Variants in METTL25 observed in about 807,000 individuals in gnomAD.
The protein encoded by METTL25 is methyltransferase like 25, also known as probable methyltransferase-like protein 25.
METTL25 carries 64 observed loss-of-function variants against 71.6 expected under a neutral mutation model. That is an observed-to-expected ratio of 0.89 (90% confidence interval 0.73 to 1.10). The LOEUF is 1.10. Ranked by LOEUF, METTL25 falls within the 50% of genes least tolerant of loss-of-function variation. The probability of loss-of-function intolerance (pLI) is 0.00; values close to 1 mark genes in which losing one functional copy is unlikely to be tolerated. For synonymous variants in METTL25, 287 were observed against 250.3 expected, an observed-to-expected ratio of 1.15 and a Z score of -1.38; for missense variants, 807 against 707.0, an observed-to-expected ratio of 1.14 and a Z score of -1.60.
At chr12:82,365,994 A>C (rs1882524855) in intron 1 of METTL25, among the ~76,000 whole-genome samples, 1 of 152,146 alleles carries the variant, frequency 6.6e-6, no homozygotes, top group Non-Finnish European at 1.5e-5. Context: ...AGGCAGGAGA[A>C]TGGTGTGAAC....
At chr12:82,419,218 A>G (rs1030629611) in intron 5 of METTL25, among the ~76,000 whole-genome samples, 1 of 152,122 alleles carries the variant, frequency 6.6e-6, no homozygotes, top group Admixed American at 6.6e-5. Context: ...AAATGCCACA[A>G]AGAACACTTA....
intron 5 of METTL25, among the ~76,000 whole-genome samples, chr12:82,410,674 A>T (rs1887489829): frequency 6.6e-6 from 1 of 152,096 alleles, no homozygotes; most frequent in Non-Finnish European, 1.5e-5. Context: ...AAAACTTTTA[A>T]AGAAGAGAAT....
At chr12:82,359,952 T>A (rs1357570560) in intron 1 of METTL25, among the ~76,000 whole-genome samples, 8 of 152,252 alleles carry the variant, frequency 5.3e-5, no homozygotes, top group African/African-American at 1.9e-4. Context: ...TAGGCACTTC[T>A]TCAGTTTGCT....
At chr12:82,363,640 A>G (rs1686233769) in intron 1 of METTL25, among the ~76,000 whole-genome samples, 7 of 152,024 alleles carry the variant, frequency 4.6e-5, no homozygotes, top group Admixed American at 3.3e-4. Context: ...TAATAGAACA[A>G]CAACCACCAC....
intron 3 of METTL25, among the ~76,000 whole-genome samples, chr12:82,396,105 C>G (rs976680334): frequency 1.3e-5 from 2 of 151,994 alleles, no homozygotes; most frequent in African/African-American, 4.8e-5. Flanking sequence ...GTATTCAGTA[C>G]AGTAATATGC....
At chr12:82,431,801 G>C (rs1401022634) in intron 6 of METTL25, among the ~76,000 whole-genome samples, 1 of 151,550 alleles carries the variant, frequency 6.6e-6, no homozygotes, top group African/African-American at 2.4e-5. Context: ...AAATATCATA[G>C]CTTAACTCAG....
intron 9 of METTL25, among the ~76,000 whole-genome samples, chr12:82,473,300 G>C (rs1892673324): frequency 6.6e-6 from 1 of 152,126 alleles, no homozygotes; most frequent in Admixed American, 6.5e-5. Context: ...AGCCAGCCTG[G>C]GGTGTGGCTG....
At chr12:82,446,864 G>A (rs1443736094) in intron 8 of METTL25, among the ~76,000 whole-genome samples, 1 of 152,022 alleles carries the variant, frequency 6.6e-6, no homozygotes, top group Non-Finnish European at 1.5e-5. Context: ...TGATCTGCCT[G>A]CCTCGGTCTC....
At chr12:82,367,789 G>C (rs1309103137) in intron 1 of METTL25, among the ~76,000 whole-genome samples, 1 of 152,032 alleles carries the variant, frequency 6.6e-6, no homozygotes, top group Non-Finnish European at 1.5e-5. Flanking sequence ...GCCTTATCTT[G>C]TATCTGCTCT....
intron 9 of METTL25, among the ~76,000 whole-genome samples, chr12:82,462,728 A>G (rs1891967050): frequency 6.6e-6 from 1 of 152,144 alleles, no homozygotes; most frequent in Non-Finnish European, 1.5e-5. Flanking sequence ...ACATGAATAC[A>G]GTCGTTCCTT....
At chr12:82,378,739 C>G (rs1015460150) in intron 1 of METTL25, among the ~76,000 whole-genome samples, 2 of 152,150 alleles carry the variant, frequency 1.3e-5, no homozygotes, top group East Asian at 3.8e-4. Context: ...CAATAATAAA[C>G]AAACTGGCCA....
intron 9 of METTL25, among the ~76,000 whole-genome samples, chr12:82,469,517 A>T (rs901735020): frequency 2.0e-5 from 3 of 152,132 alleles, no homozygotes; most frequent in Middle Eastern, 3.4e-3. Context: ...TACTATCATG[A>T]AAATAGCATG....
chr12:82,415,133 A>G (rs1198597904), intron 5 of METTL25, among the ~76,000 whole-genome samples: 2 of 152,134 alleles, frequency 1.3e-5, no homozygotes, highest in Non-Finnish European at 2.9e-5. Flanking sequence ...GGGTTTTGCC[A>G]TTGTATAGTC....
chr12:82,441,644 G>T (rs1301573387), intron 8 of METTL25, among the ~76,000 whole-genome samples: 1 of 151,174 alleles, frequency 6.6e-6, no homozygotes, highest in African/African-American at 2.4e-5. Flanking sequence ...TTGTTTCATA[G>T]AGCCCAGGAT....
intron 1 of METTL25, among the ~76,000 whole-genome samples, chr12:82,380,543 C>A (rs1175909174): frequency 1.3e-5 from 2 of 152,070 alleles, no homozygotes; most frequent in Admixed American, 6.6e-5. Context: ...TAAAACAACC[C>A]TATGAAATAG....
chr12:82,446,989 AAGAGC>A (rs539845901), intron 8 of METTL25, among the ~76,000 whole-genome samples: 48 of 152,312 alleles, frequency 3.2e-4, no homozygotes, highest in Non-Finnish European at 6.5e-4. Flanking sequence ...AAGAAACATT[AAGAGC>A]AAAGTATATA....
intron 11 of METTL25, among the ~76,000 whole-genome samples, chr12:82,477,652 A>G (rs1351610870): frequency 6.6e-6 from 1 of 151,840 alleles, no homozygotes; most frequent in Non-Finnish European, 1.5e-5. Context: ...TGAAATTTAT[A>G]AAGGCTAGAC....
chr12:82,363,401 C>T lies in METTL25; in HGVS notation c.259+4577C>T, dbSNP rs528762968. ...GTTTGGCAGAGCAACTGGAAATTTA[C>T]ACTAGGGAGTCTTTGAATTGTAAAA... is the stretch of plus-strand genomic sequence containing the variant. On this transcript the variant is annotated intron_variant, in intron 1 of 11. Coordinates refer to ENST00000248306, the MANE Select transcript of METTL25 (RefSeq NM_032230.3). 1.1e-4 allele frequency among the ~76,000 whole-genome samples: 17 copies of T among 152,256 alleles called. No homozygotes were observed. In the South Asian group the frequency reaches 3.3e-3, roughly 30 times the overall value.
At chr12:82,408,931 C>A (rs1023498907) in intron 5 of METTL25, among the ~76,000 whole-genome samples, 1 of 152,062 alleles carries the variant, frequency 6.6e-6, no homozygotes, top group African/African-American at 2.4e-5. Context: ...TAATATCTTA[C>A]ACACCTTCAC....
Sources: gnomAD v4.1 joint callset for allele counts (sites outside exome capture counted in the v4.1 genomes callset) on GRCh38, gnomAD v4.1.1 for gene constraint, MANE v1.5 for transcripts, NCBI Gene and HGNC (gene_info 2026-07-23, HGNC 2026-07-21) for gene names.